ZKSCAN2: variants seen among roughly 807,000 people sequenced by gnomAD.
ZKSCAN2 encodes the protein zinc finger with KRAB and SCAN domains 2.
In ZKSCAN2, 38 loss-of-function variants were observed where a neutral mutation model predicts 90.5. The ratio of observed to expected loss-of-function variants is 0.42; its 90% CI spans 0.32 to 0.55. ZKSCAN2 has a LOEUF of 0.55. Ranked by LOEUF, ZKSCAN2 falls within the 20% of genes least tolerant of loss-of-function variation. The pLI is 0.11. For synonymous variants in ZKSCAN2, 429 were observed against 421.6 expected (o/e 1.02, Z -0.22); for missense variants, 1,167 against 1,202.6 (o/e 0.97, Z 0.44).
intron 4 of ZKSCAN2, among the ~76,000 whole-genome samples, chr16:25,250,284 G>C (rs1254214281): frequency 2.0e-5 from 3 of 152,250 alleles, no homozygotes; most frequent in East Asian, 3.9e-4. Flanking sequence ...ACTCCAGCCT[G>C]GGTGAGAGCA....
chr16:25,251,462 T>C (rs752579597), intron 4 of ZKSCAN2, among the ~76,000 whole-genome samples: 3 of 152,176 alleles, frequency 2.0e-5, no homozygotes, highest in Non-Finnish European at 4.4e-5. Flanking sequence ...TGAAGACATT[T>C]TGGTGAGGTT....
rs755227175 is a variant in ZKSCAN2, at chr16:25,255,412, C to T, written c.400-20G>A. 10 of 1,600,606 alleles carry T rather than the reference C, an allele frequency of 6.2e-6. No individual in the cohort carries two copies. In the South Asian group the frequency reaches 1.1e-4, roughly 18 times the overall value. On this transcript the variant is annotated intron_variant, in intron 1 of 6. Coordinates refer to ENST00000328086, the MANE Select transcript of ZKSCAN2 (RefSeq NM_001012981.5). ...GCTGACCTGAGAAATGAAGTCAATA[C>T]CATAAGAGGGAGTAAAACAGGCCCA...
chr16:25,247,631 A>G (rs1962954042), intron 4 of ZKSCAN2, among the ~76,000 whole-genome samples: 1 of 152,118 alleles, frequency 6.6e-6, no homozygotes, highest in South Asian at 2.1e-4. Context: ...GAAAACCTTT[A>G]AGGGTAAGAA....
intron 5 of ZKSCAN2, among the ~76,000 whole-genome samples, chr16:25,245,941 C>T (rs960820391): frequency 8.5e-5 from 13 of 152,092 alleles, no homozygotes; most frequent in Non-Finnish European, 1.5e-4. Flanking sequence ...CCATATTTTA[C>T]GGATGAGAAA....
At position 25,240,501 on chromosome 16, in the gene ZKSCAN2, C is replaced by A. The variant is rs769848907; in HGVS notation, c.2219G>T (p.Arg740Met). 1.2e-6 allele frequency: 2 copies of A among 1,614,172 alleles called. No homozygotes were observed. Among genetic ancestry groups the A allele is most frequent in the South Asian group, 2.2e-5 (2 of 91,080 alleles). ...RDLGKAVVHQ[R>M]PFVGKRPYRL... ...GTAGGGTCTCTTCCCCACAAAAGGC[C>A]TCTGATGCACAACGGCTTTCCCTAA... The change falls in exon 7 of 7, where the codon AGG becomes ATG. Residue 740 changes from arginine to methionine, a missense_variant. Physicochemically the swap from Arg to Met is moderately conservative, Grantham distance 91 (BLOSUM62 -1). Coordinates refer to ENST00000328086, the MANE Select transcript of ZKSCAN2 (RefSeq NM_001012981.5).
At position 25,239,773 on chromosome 16, in the gene ZKSCAN2, G is replaced by C. The variant is rs756936614; in HGVS notation, c.*43C>G. ...AAGATTGCTTCCAAGAATGAGATTAGGGTAAAATGGCTAAGGGGGCATTTA... is the reference window on the plus strand; with the variant it reads ...AAGATTGCTTCCAAGAATGAGATTACGGTAAAATGGCTAAGGGGGCATTTA... On this transcript the variant is annotated 3_prime_UTR_variant, in exon 7 of 7. Coordinates refer to ENST00000328086, the MANE Select transcript of ZKSCAN2 (RefSeq NM_001012981.5). 2 of 1,487,474 alleles carry C rather than the reference G, an allele frequency of 1.3e-6. No homozygotes were observed. Among genetic ancestry groups the C allele is most frequent in the Non-Finnish European group, 1.8e-6 (2 of 1,102,642 alleles). 92.1% of individuals were successfully genotyped at this position (1,487,474 alleles called of 1,614,324 possible). A position where few individuals can be genotyped will look rare whatever the true frequency, so the allele number is the denominator to read the frequency against.
At chr16:25,249,880 T>G (rs963406820) in intron 4 of ZKSCAN2, among the ~76,000 whole-genome samples, 13 of 152,308 alleles carry the variant, frequency 8.5e-5, no homozygotes, top group Admixed American at 3.3e-4. Flanking sequence ...CTTGAAGAGA[T>G]AGCTGTACTC....
At chr16:25,245,928 T>C (rs1192686396) in intron 5 of ZKSCAN2, among the ~76,000 whole-genome samples, 3 of 152,244 alleles carry the variant, frequency 2.0e-5, no homozygotes, top group African/African-American at 7.2e-5. Flanking sequence ...GAGGTATTCT[T>C]AGCCATATTT....
rs1963028664 is a variant in ZKSCAN2 at position 25,252,027 on chromosome 16, C to T, written c.687G>A (p.Val229=). The stretch of plus-strand genomic sequence containing the variant: ...AGCCTCTGGCCACGTGGACATCTTT[C>T]ACTGGTTCCTGTAATGACACTAACA... ...TRLPAGSQEP[V]KDVHVARGFS... is the part of the protein sequence containing the mutation. The change falls in exon 4 of 7, where the codon GTG becomes GTA. Residue 229 remains valine, a synonymous_variant. Transcript: ENST00000328086. 1.9e-6 allele frequency: 3 copies of T among 1,613,982 alleles called. No homozygotes were observed. Among genetic ancestry groups the T allele is most frequent in the Admixed American group, 1.7e-5 (1 of 60,000 alleles).
chr16:25,245,265 T>C (rs1329836550), intron 5 of ZKSCAN2, among the ~76,000 whole-genome samples: 2 of 152,144 alleles, frequency 1.3e-5, no homozygotes, highest in Admixed American at 6.5e-5. Context: ...CCACCATGCC[T>C]GGCTAATTGT....
chr16:25,254,627 C>T (rs566049805), intron 2 of ZKSCAN2, among the ~76,000 whole-genome samples: 3 of 152,136 alleles, frequency 2.0e-5, no homozygotes, highest in Non-Finnish European at 4.4e-5. Flanking sequence ...GTTTGTCTCG[C>T]TATCTTGCCC....
At position 25,246,764 on chromosome 16, in the gene ZKSCAN2, C is replaced by T. The variant is rs78714728; in HGVS notation, c.1432G>A (p.Glu478Lys). 153 of 1,614,200 alleles carry T rather than the reference C, an allele frequency of 9.5e-5. No homozygotes were observed. The East Asian group carries it at 2.9e-3, about 31-fold the overall frequency. Residue 478 changes from glutamate to lysine, a missense_variant, in exon 5 of 7, where the codon GAA becomes AAA. Transcript: ENST00000328086. ...EDSDDDEIGI[E>K]FIRKSEIHGA... ...TGGATTTCAGACTTGCGGATAAATT[C>T]GATGCCTATTTCATCATCATCAGAA... is the stretch of plus-strand genomic sequence containing the variant.
At chr16:25,244,336 C>T (rs1354613176) in intron 5 of ZKSCAN2, 60 bp from the exon 6 acceptor site, 145 of 1,523,094 alleles carry the variant, frequency 9.5e-5, no homozygotes, top group Non-Finnish European at 5.3e-6. Context: ...AGCCTCTATA[C>T]TATATACATT....
At chr16:25,244,790 G>C (rs1962909485) in intron 5 of ZKSCAN2, among the ~76,000 whole-genome samples, 1 of 152,240 alleles carries the variant, frequency 6.6e-6, no homozygotes, top group Non-Finnish European at 1.5e-5. Context: ...ACTATGTTCA[G>C]AGTAGTTTTT....
At chr16:25,242,156 C>T (rs532094102) in intron 6 of ZKSCAN2, among the ~76,000 whole-genome samples, 16 of 152,308 alleles carry the variant, frequency 1.1e-4, no homozygotes, top group African/African-American at 3.8e-4. Context: ...TGGGCCACCA[C>T]ACCTGGCCTG....
chr16:25,255,490 GAAGGAATGAA>G (rs1963087391), intron 1 of ZKSCAN2, 98 bp from the exon 2 acceptor site: 6 of 1,333,502 alleles, frequency 4.5e-6, no homozygotes, highest in Non-Finnish European at 6.1e-6. Context: ...AGAGACATGA[GAAGGAATGAA>G]AATTCCACTC....
chr16:25,244,485 CTG>C (rs1168357500), intron 5 of ZKSCAN2, among the ~76,000 whole-genome samples: 2 of 152,216 alleles, frequency 1.3e-5, no homozygotes, highest in Non-Finnish European at 2.9e-5. Context: ...TGACAAGACA[CTG>C]TTTATGAATA....
intron 3 of ZKSCAN2, among the ~76,000 whole-genome samples, chr16:25,252,716 C>T (rs2141369636): frequency 6.6e-6 from 1 of 152,154 alleles, no homozygotes; most frequent in East Asian, 1.9e-4. Context: ...GAGTTTGAGA[C>T]CAGCCTAGGC....
intron 6 of ZKSCAN2, among the ~76,000 whole-genome samples, chr16:25,243,369 C>T (rs990383003): frequency 6.6e-6 from 1 of 152,170 alleles, no homozygotes; most frequent in Non-Finnish European, 1.5e-5. Flanking sequence ...ACTCTATCAC[C>T]CAGGCTGGAG....
Sources: gnomAD v4.1 joint callset for allele counts (sites outside exome capture counted in the v4.1 genomes callset) on GRCh38, gnomAD v4.1.1 for gene constraint, MANE v1.5 for transcripts, NCBI Gene and HGNC (gene_info 2026-07-23, HGNC 2026-07-21) for gene names.